Variants in NEURL1 observed in about 807,000 individuals in gnomAD.
The protein encoded by NEURL1 is neuralized E3 ubiquitin protein ligase 1.
Under a neutral mutation model 41.2 loss-of-function variants are expected in NEURL1, and 26 were observed. The ratio of observed to expected loss-of-function variants is 0.63; its 90% CI spans 0.46 to 0.87. The LOEUF (loss-of-function observed/expected upper bound fraction) is 0.87. Among genes scored for constraint, NEURL1 ranks in the 40% least tolerant of loss-of-function variants. The probability of loss-of-function intolerance (pLI) is 0.00; values close to 1 mark genes in which losing one functional copy is unlikely to be tolerated. For synonymous variants in NEURL1, 400 were observed against 402.3 expected (o/e 0.99, Z 0.07); for missense variants, 761 against 871.1 (o/e 0.87, Z 1.59).
rs754350060 is a variant in NEURL1 at position 103,585,042 on chromosome 10, G to T, written c.1156G>T (p.Val386Leu). The T allele has an allele frequency of 2.5e-6, 4 of 1,588,092 alleles. No homozygotes were observed. Among genetic ancestry groups the T allele is most frequent in the Non-Finnish European group, 3.4e-6 (4 of 1,175,284 alleles). ...ALVDRKEFWA[V>L]CRVPGPLHSG... is the part of the protein sequence containing the mutation. ...GGTGGACCGCAAGGAATTCTGGGCC[G>T]TGTGCCGCGTGCCCGGGCCCCTGCA... The change falls in exon 4 of 6, where the codon GTG (valine) becomes TTG (leucine). Residue 386 changes from valine to leucine, a missense_variant. Around this residue, in one of 5 missense-constraint regions of NEURL1, gnomAD observed 443 missense variants for 408.1 expected, o/e 1.09. Coordinates refer to ENST00000369780, the MANE Select transcript of NEURL1 (RefSeq NM_004210.5).
At chr10:103,516,820 T>TA (rs1410910167) in intron 1 of NEURL1, among the ~76,000 whole-genome samples, 1 of 152,130 alleles carries the variant, frequency 6.6e-6, no homozygotes, top group Non-Finnish European at 1.5e-5. Flanking sequence ...CTGGAGGACT[T>TA]ACACTTCCTG....
intron 1 of NEURL1, among the ~76,000 whole-genome samples, chr10:103,544,878 G>T (rs1055821893): frequency 6.6e-6 from 1 of 152,220 alleles, no homozygotes; most frequent in Non-Finnish European, 1.5e-5. Context: ...CCACCAGGAG[G>T]GAGAAGCCAC....
intron 1 of NEURL1, among the ~76,000 whole-genome samples, chr10:103,544,626 C>T (rs2034889582): frequency 6.6e-6 from 1 of 152,118 alleles, no homozygotes. Flanking sequence ...TAAAAAAGGA[C>T]CCCCAAACAA....
At chr10:103,564,188 C>G (rs2035368447) in intron 1 of NEURL1, among the ~76,000 whole-genome samples, 1 of 152,216 alleles carries the variant, frequency 6.6e-6, no homozygotes, top group Non-Finnish European at 1.5e-5. Context: ...CTGAGGGTCA[C>G]CCGGAGAGCT....
chr10:103,554,459 G>C (rs1018901336), intron 1 of NEURL1, among the ~76,000 whole-genome samples: 2 of 152,178 alleles, frequency 1.3e-5, no homozygotes, highest in African/African-American at 4.8e-5. Flanking sequence ...GTCTGTGTTG[G>C]GGTGTGTGGT....
At chr10:103,513,778 G>A (rs1422839991) in intron 1 of NEURL1, among the ~76,000 whole-genome samples, 1 of 148,076 alleles carries the variant, frequency 6.8e-6, no homozygotes, top group African/African-American at 2.5e-5. Flanking sequence ...GGGGGTGGGA[G>A]GACAGGGGTG....
chr10:103,537,636 C>T (rs984789121), intron 1 of NEURL1, among the ~76,000 whole-genome samples: 6 of 152,282 alleles, frequency 3.9e-5, no homozygotes, highest in South Asian at 2.1e-4. Context: ...TCAAGCGATC[C>T]GCCCACCTCA....
chr10:103,515,791 G>A (rs1379131235), intron 1 of NEURL1, among the ~76,000 whole-genome samples: 1 of 152,220 alleles, frequency 6.6e-6, no homozygotes, highest in Admixed American at 6.5e-5. Flanking sequence ...GATCGTGCTG[G>A]CTACCCTGTG....
chr10:103,546,054 G>A (rs942315390), intron 1 of NEURL1, among the ~76,000 whole-genome samples: 2 of 152,218 alleles, frequency 1.3e-5, no homozygotes, highest in African/African-American at 2.4e-5. Context: ...GCTAGGCCAG[G>A]TGCAGGAGTG....
chr10:103,577,422 T>C lies in NEURL1; in HGVS notation c.649+5600T>C, dbSNP rs117741201. Among the ~76,000 whole-genome samples, 201 of 152,334 alleles carry C rather than the reference T, an allele frequency of 1.3e-3. 1 individual carries two copies. The highest frequency in any genetic ancestry group is 2.4e-3 in the Non-Finnish European group (166 of 68,032). ...AGATCCAGCATATATCCTCTTTGTATATAAAGGAAGGTATTATTGTGCCCA... is the reference window on the plus strand; with the variant it reads ...AGATCCAGCATATATCCTCTTTGTACATAAAGGAAGGTATTATTGTGCCCA... On this transcript the variant is annotated intron_variant, in intron 3 of 5. Coordinates refer to ENST00000369780, the MANE Select transcript of NEURL1 (RefSeq NM_004210.5).
chr10:103,519,770 T>TTTG (rs1216361655), intron 1 of NEURL1, among the ~76,000 whole-genome samples: 1 of 151,718 alleles, frequency 6.6e-6, no homozygotes, highest in Non-Finnish European at 1.5e-5. Flanking sequence ...GCAATAGTTT[T>TTTG]TTGTTGTTGT....
At chr10:103,525,817 T>G (rs892036128) in intron 1 of NEURL1, among the ~76,000 whole-genome samples, 2 of 152,240 alleles carry the variant, frequency 1.3e-5, no homozygotes, top group African/African-American at 4.8e-5. Flanking sequence ...CTTTCTTGTC[T>G]TGTTTTGGAT....
chr10:103,511,206 C>T (rs1021610716), intron 1 of NEURL1, among the ~76,000 whole-genome samples: 2 of 152,206 alleles, frequency 1.3e-5, no homozygotes, highest in Admixed American at 6.5e-5. Context: ...GTGCAGGAAA[C>T]TCAGGCACTT....
chr10:103,518,014 G>A (rs1032012436), intron 1 of NEURL1, among the ~76,000 whole-genome samples: 2 of 152,158 alleles, frequency 1.3e-5, no homozygotes, highest in African/African-American at 2.4e-5. Context: ...TGTCTCTTGA[G>A]GGTAACTTTG....
At chr10:103,542,739 T>G (rs908779220) in intron 1 of NEURL1, among the ~76,000 whole-genome samples, 1 of 152,172 alleles carries the variant, frequency 6.6e-6, no homozygotes, top group African/African-American at 2.4e-5. Flanking sequence ...GGTTTTCTCA[T>G]CTGTAAAATG....
chr10:103,585,012 G>A lies in NEURL1; in HGVS notation c.1126G>A (p.Ala376Thr). 6.3e-7 allele frequency: 1 copy of A among 1,579,428 alleles called. No individual in the cohort carries two copies. Among genetic ancestry groups the A allele is most frequent in the Non-Finnish European group, 8.5e-7 (1 of 1,171,120 alleles). Residue 376 changes from alanine to threonine, a missense_variant, in exon 4 of 6, where the codon GCC becomes ACC. By Grantham distance (58) the Ala-to-Thr change is moderately conservative (BLOSUM62 0). Around this residue, in one of 5 missense-constraint regions of NEURL1, gnomAD observed 443 missense variants for 408.1 expected, o/e 1.09. Transcript: ENST00000369780. ...RPADLPFSPE[A>T]LVDRKEFWAV... ...GGCCGACCTGCCTTTCAGCCCTGAG[G>A]CCCTGGTGGACCGCAAGGAATTCTG...
In NEURL1 at chr10:103,584,614, C is replaced by T; in HGVS notation, c.728C>T (p.Ala243Val). Residue 243 changes from alanine (A) to valine (V), a missense_variant, in exon 4 of 6, where the codon GCG (alanine) becomes GTG (valine). Physicochemically the swap from Ala to Val is moderately conservative, Grantham distance 64. Transcript: ENST00000369780. ...ALRRPSLRRE[A>V]DDARLSVSLC... ...CGGCGGCCGTCGCTGCGGCGCGAGG[C>T]GGACGACGCGCGCCTCTCGGTGAGC... 1 of 1,414,914 alleles carries T rather than the reference C, an allele frequency of 7.1e-7. No individual in the cohort carries two copies. The allele number at this position is 1,414,914 out of a possible 1,614,324, so 87.6% of individuals were successfully genotyped here.
At chr10:103,500,756 C>G (rs2033804454) in intron 1 of NEURL1, among the ~76,000 whole-genome samples, 2 of 152,196 alleles carry the variant, frequency 1.3e-5, no homozygotes, top group South Asian at 4.1e-4. Context: ...TTTTCTACTG[C>G]CTGCATCAGC....
rs2036016046 is a variant in NEURL1 at position 103,590,400 on chromosome 10, C to G, written c.*28C>G. On this transcript the variant is annotated 3_prime_UTR_variant, in exon 6 of 6. Coordinates refer to ENST00000369780, the MANE Select transcript of NEURL1 (RefSeq NM_004210.5). Reference sequence around the variant, plus strand: ...CGTTGCGGTGGCCCATCCCGCATACCCATCTTCTCGGGCTTCAGCCCAGTC... The same window carrying G: ...CGTTGCGGTGGCCCATCCCGCATACGCATCTTCTCGGGCTTCAGCCCAGTC... 6.4e-7 allele frequency: 1 copy of G among 1,571,144 alleles called. No homozygotes were observed.
Sources: gnomAD v4.1 joint callset for allele counts (sites outside exome capture counted in the v4.1 genomes callset) on GRCh38, gnomAD v4.1.1 for gene constraint, gnomAD v4.1.1 regional missense constraint, MANE v1.5 for transcripts, NCBI Gene and HGNC (gene_info 2026-07-23, HGNC 2026-07-21) for gene names.